Variants in IL1RAPL1 observed in about 807,000 individuals in gnomAD.
IL1RAPL1 encodes the protein interleukin 1 receptor accessory protein like 1, also known as interleukin-1 receptor accessory protein-like 1.
IL1RAPL1 carries 3 observed loss-of-function variants against 48.4 expected under a neutral mutation model. The ratio of observed to expected loss-of-function variants is 0.06; its 90% CI spans 0.03 to 0.16. The LOEUF (loss-of-function observed/expected upper bound fraction) is 0.16, where lower values mean the gene tolerates loss of function less well. IL1RAPL1 is among the 10% of genes least tolerant of loss of function. IL1RAPL1 has a pLI of 1.00. For synonymous variants in IL1RAPL1, 185 were observed against 187.7 expected, an observed-to-expected ratio of 0.99 and a Z score of 0.12; for missense variants, 349 against 530.6, an observed-to-expected ratio of 0.66 and a Z score of 3.36.
intron 2 of IL1RAPL1, among the ~76,000 whole-genome samples, chrX:29,179,764 G>A (rs1172992915): frequency 2.7e-5 from 3 of 111,420 alleles, no homozygotes; most frequent in Non-Finnish European, 5.7e-5. Flanking sequence ...TTCTCTTATT[G>A]GTTTTGAGTA....
At position 29,453,408 on chromosome X, in the gene IL1RAPL1, C is replaced by G. The variant is rs192984048; in HGVS notation, c.703+54100C>G. Among the ~76,000 whole-genome samples the G allele has an allele frequency of 2.6e-3, 290 of 111,295 alleles. 1 individual carries two copies. Among genetic ancestry groups the G allele is most frequent in the Non-Finnish European group, 3.9e-3 (209 of 53,028 alleles). On this transcript the variant is annotated intron_variant, in intron 5 of 10. Coordinates refer to ENST00000378993, the MANE Select transcript of IL1RAPL1 (RefSeq NM_014271.4). ...TTCAGGAAGTCATTAATGAGGAAAACGATTCCAAGACACATACATAATCGG... is the reference window on the plus strand; with the variant it reads ...TTCAGGAAGTCATTAATGAGGAAAAGGATTCCAAGACACATACATAATCGG...
At position 28,881,852 on chromosome X, in the gene IL1RAPL1, A is replaced by G. The variant is rs1255945865; in HGVS notation, c.82+92427A>G. ...CAGGTCAGAGGGGCAAAAAGTAAAA[A>G]GAATGAACATATATGAAGAGAGACT... On this transcript the variant is annotated intron_variant, in intron 2 of 10. Transcript: ENST00000378993. Among the ~76,000 whole-genome samples, 5 of 111,180 alleles carry G rather than the reference A, an allele frequency of 4.5e-5. No homozygotes were observed. In the Admixed American group the frequency reaches 4.8e-4, roughly 11 times the overall value.
chrX:29,706,415 AT>A (rs1927196958), intron 6 of IL1RAPL1, among the ~76,000 whole-genome samples: 1 of 111,916 alleles, frequency 8.9e-6, no homozygotes, highest in East Asian at 2.8e-4. Flanking sequence ...TCTTCCACCT[AT>A]GAGCCTGTAA....
At chrX:28,992,999 T>C (rs1450017736) in intron 2 of IL1RAPL1, among the ~76,000 whole-genome samples, 1 of 111,946 alleles carries the variant, frequency 8.9e-6, no homozygotes, top group Non-Finnish European at 1.9e-5. Flanking sequence ...TTTTAAAATG[T>C]GATTACCAGA....
intron 8 of IL1RAPL1, among the ~76,000 whole-genome samples, chrX:29,926,257 TAGAAA>T (rs1217593821): frequency 1.8e-5 from 2 of 112,580 alleles, no homozygotes; most frequent in Non-Finnish European, 3.8e-5. Context: ...GCATCATTGT[TAGAAA>T]AGAAAAGGAC....
chrX:29,928,388 C>T (rs1432779475), intron 8 of IL1RAPL1, among the ~76,000 whole-genome samples: 3 of 109,899 alleles, frequency 2.7e-5, no homozygotes, highest in African/African-American at 9.8e-5. Flanking sequence ...TACCAACAAC[C>T]AACCCCTCAC....
At chrX:29,393,645 C>T (rs1357430186) in intron 3 of IL1RAPL1, among the ~76,000 whole-genome samples, 2 of 110,456 alleles carry the variant, frequency 1.8e-5, no homozygotes, top group Non-Finnish European at 3.8e-5. Context: ...ACTCTTGTGT[C>T]TAAACGATTT....
chrX:29,759,845 A>G (rs762853534), intron 6 of IL1RAPL1, among the ~76,000 whole-genome samples: 7 of 111,871 alleles, frequency 6.3e-5, no homozygotes, highest in Non-Finnish European at 9.4e-5. Context: ...TATTGAGACA[A>G]TGGTCTTTAT....
At chrX:28,678,963 G>A (rs1239004999) in intron 1 of IL1RAPL1, among the ~76,000 whole-genome samples, 1 of 111,834 alleles carries the variant, frequency 8.9e-6, no homozygotes, top group East Asian at 2.8e-4. Context: ...GAAGTGGGAT[G>A]GCTGGATCAT....
chrX:28,961,460 G>T (rs1338452645), intron 2 of IL1RAPL1, among the ~76,000 whole-genome samples: 3 of 110,751 alleles, frequency 2.7e-5, no homozygotes, highest in Non-Finnish European at 3.8e-5. Context: ...TTTAAGCCCC[G>T]CATGCATTAG....
chrX:29,291,155 A>G (rs1013656214), intron 3 of IL1RAPL1, among the ~76,000 whole-genome samples: 73 of 111,681 alleles, frequency 6.5e-4, no homozygotes, highest in African/African-American at 2.4e-3. Context: ...CCCTGAATAC[A>G]ACTGCTCAGG....
At chrX:29,856,882 A>G (rs1056188453) in intron 6 of IL1RAPL1, among the ~76,000 whole-genome samples, 2 of 111,988 alleles carry the variant, frequency 1.8e-5, no homozygotes, top group Non-Finnish European at 3.8e-5. Context: ...TTCTTCTTTT[A>G]GCAGTATTCA....
In IL1RAPL1 at chrX:29,509,141, G is replaced by A. The variant is rs1935366878; in HGVS notation, c.703+109833G>A. 2.7e-5 allele frequency among the ~76,000 whole-genome samples: 3 copies of A among 111,673 alleles called. No homozygotes were observed. The South Asian group carries it at 1.1e-3, about 42-fold the overall frequency. ...GGAATTGTACCACACAGTGATGGTG[G>A]CTGATAAGACAAGTTCAAAATCTGT... On this transcript the variant is annotated intron_variant, in intron 5 of 10. Coordinates refer to ENST00000378993, the MANE Select transcript of IL1RAPL1 (RefSeq NM_014271.4).
chrX:29,842,847 A>G (rs1198507515), intron 6 of IL1RAPL1, among the ~76,000 whole-genome samples: 1 of 111,705 alleles, frequency 9.0e-6, no homozygotes, highest in African/African-American at 3.3e-5. Context: ...ACAAAATGTC[A>G]TTTTTGTCAC....
intron 2 of IL1RAPL1, among the ~76,000 whole-genome samples, chrX:29,045,153 T>C (rs1318182732): frequency 9.0e-6 from 1 of 111,626 alleles, no homozygotes; most frequent in East Asian, 2.8e-4. Context: ...TGGATCATAA[T>C]GCAGTGGGAC....
intron 6 of IL1RAPL1, among the ~76,000 whole-genome samples, chrX:29,902,667 T>C (rs1191438792): frequency 9.0e-6 from 1 of 110,919 alleles, no homozygotes; most frequent in Non-Finnish European, 1.9e-5. Context: ...ATAATAATAA[T>C]AATTGCTAAC....
At chrX:28,664,251 G>T (rs1934851701) in intron 1 of IL1RAPL1, among the ~76,000 whole-genome samples, 1 of 112,183 alleles carries the variant, frequency 8.9e-6, no homozygotes, top group African/African-American at 3.2e-5. Context: ...ATTCAATTGT[G>T]ATTTGAGCTG....
chrX:29,737,613 A>C (rs1289542669), intron 6 of IL1RAPL1, among the ~76,000 whole-genome samples: 1 of 112,516 alleles, frequency 8.9e-6, no homozygotes, highest in Admixed American at 9.4e-5. Context: ...TTTGTTTTTA[A>C]TGCTTAGTAA....
chrX:29,861,823 G>A (rs1021246681), intron 6 of IL1RAPL1, among the ~76,000 whole-genome samples: 15 of 111,397 alleles, frequency 1.3e-4, no homozygotes, highest in African/African-American at 3.6e-4. Context: ...TGTTAAATCC[G>A]TGATGTGATA....
Sources: allele counts gnomAD v4.1 joint callset (sites outside exome capture counted in the v4.1 genomes callset), GRCh38; gene constraint gnomAD v4.1.1; transcripts MANE v1.5; gene names NCBI Gene and HGNC (gene_info 2026-07-23, HGNC 2026-07-21).